The following MBTD1 variants were observed in gnomAD, a reference collection of about 807,000 sequenced individuals.
The protein encoded by MBTD1 is MBT domain-containing protein 1.
In MBTD1, 24 loss-of-function variants were observed where a neutral mutation model predicts 87.8. The observed-to-expected ratio is 0.27, with a 90% CI of 0.20 to 0.38. The LOEUF (loss-of-function observed/expected upper bound fraction) is 0.38, where lower values mean the gene tolerates loss of function less well. Among genes scored for constraint, MBTD1 ranks in the 10% least tolerant of loss-of-function variants. The pLI is 1.00. For missense variants in MBTD1, 436 were observed against 760.2 expected (o/e 0.57, Z 5.02); for synonymous variants, 237 against 248.6 (o/e 0.95, Z 0.44).
At chr17:51,196,439 G>A (rs1011935752) in intron 12 of MBTD1, among the ~76,000 whole-genome samples, 5 of 151,838 alleles carry the variant, frequency 3.3e-5, no homozygotes, top group Non-Finnish European at 7.4e-5. Context: ...GGCCAGGCTG[G>A]TCTCGAACTC....
intron 13 of MBTD1, among the ~76,000 whole-genome samples, chr17:51,194,566 CAA>C (rs71355733): frequency 1.1e-3 from 21 of 19,734 alleles, no homozygotes; most frequent in African/African-American, 4.5e-3. Flanking sequence ...GAGACTGTCT[CAA>C]AAAAAAAAAA....
At chr17:51,245,492 T>C (rs1223989323) in intron 2 of MBTD1, among the ~76,000 whole-genome samples, 2 of 152,118 alleles carry the variant, frequency 1.3e-5, no homozygotes, top group Non-Finnish European at 2.9e-5. Context: ...TATTTTTTCC[T>C]GGTATTTGTA....
chr17:51,204,771 G>C (rs1292724030), intron 7 of MBTD1, among the ~76,000 whole-genome samples: 1 of 152,174 alleles, frequency 6.6e-6, no homozygotes, highest in Non-Finnish European at 1.5e-5. Context: ...AAAGGGCTGG[G>C]ATTACAGGCA....
intron 2 of MBTD1, among the ~76,000 whole-genome samples, chr17:51,257,869 A>G (rs2055181844): frequency 6.6e-6 from 1 of 152,356 alleles, no homozygotes; most frequent in Non-Finnish European, 1.5e-5. Flanking sequence ...GTTAAAAAGC[A>G]TGACGCAACA....
rs538584880 is a variant in MBTD1 at position 51,231,625 on chromosome 17, T to C, written c.-48-6416A>G. ...AAATGTTCTCTGATCTTTTCCATGG[T>C]CCTAGCACACACAGAAAATGATCAT... is the stretch of plus-strand genomic sequence containing the variant. On this transcript the variant is annotated intron_variant, in intron 2 of 16. Coordinates refer to ENST00000586178, the MANE Select transcript of MBTD1 (RefSeq NM_017643.3). 3.3e-5 allele frequency among the ~76,000 whole-genome samples: 5 copies of C among 152,236 alleles called. No individual in the cohort carries two copies. In the East Asian group the frequency reaches 9.7e-4, roughly 29 times the overall value.
chr17:51,203,339 A>G, intron 8 of MBTD1, 111 bp from the exon 9 acceptor site: 3 of 601,826 alleles, frequency 5.0e-6, no homozygotes, highest in Non-Finnish European at 8.4e-6. Flanking sequence ...TAACATTCTG[A>G]AAAGTAACAA....
intron 2 of MBTD1, among the ~76,000 whole-genome samples, chr17:51,236,119 T>C (rs1050741777): frequency 2.0e-5 from 3 of 152,196 alleles, no homozygotes; most frequent in African/African-American, 7.2e-5. Flanking sequence ...CCTATAGATA[T>C]GTCAATATCT....
intron 2 of MBTD1, among the ~76,000 whole-genome samples, chr17:51,238,276 A>G (rs1384223742): frequency 6.6e-6 from 1 of 152,230 alleles, no homozygotes; most frequent in African/African-American, 2.4e-5. Flanking sequence ...CAAATTATCA[A>G]CCAAGTCTAA....
At chr17:51,226,023 C>A (rs776242354) in intron 2 of MBTD1, among the ~76,000 whole-genome samples, 2 of 150,606 alleles carry the variant, frequency 1.3e-5, no homozygotes, top group African/African-American at 4.9e-5. Context: ...AGGTGATCCG[C>A]CCACCTCGGC....
At chr17:51,203,683 G>A (rs1361066791) in intron 8 of MBTD1, 108 bp downstream of exon 8, 14 of 1,193,726 alleles carry the variant, frequency 1.2e-5, no homozygotes, top group South Asian at 4.0e-5. Context: ...AGGTGTGAGC[G>A]GCCATGCCCG....
intron 6 of MBTD1, 75 bp from the exon 7 acceptor site, chr17:51,207,080 A>T: frequency 2.8e-6 from 2 of 712,404 alleles, no homozygotes; most frequent in South Asian, 1.9e-5. Flanking sequence ...ATTAAGCAGT[A>T]CCATCAATAA....
At chr17:51,260,897 G>A, upstream of MBTD1, 1 of 1,595,584 alleles carries the variant, frequency 6.3e-7, no homozygotes, top group Non-Finnish European at 8.5e-7. Flanking sequence ...CGACGAGGAC[G>A]CGTTGCTGCG....
chr17:51,224,343 T>C (rs1479618169), intron 3 of MBTD1, among the ~76,000 whole-genome samples: 1 of 152,204 alleles, frequency 6.6e-6, no homozygotes, highest in African/African-American at 2.4e-5. Flanking sequence ...CGAAGGGTTC[T>C]ATTGTGGAGA....
chr17:51,242,682 A>C (rs993729194), intron 2 of MBTD1, among the ~76,000 whole-genome samples: 1 of 152,152 alleles, frequency 6.6e-6, no homozygotes, highest in African/African-American at 2.4e-5. Flanking sequence ...GGTGTAACTC[A>C]AATGTCATTT....
intron 2 of MBTD1, among the ~76,000 whole-genome samples, chr17:51,248,663 T>A (rs1334534371): frequency 6.6e-6 from 1 of 152,198 alleles, no homozygotes; most frequent in Non-Finnish European, 1.5e-5. Context: ...GTCAGCATAG[T>A]GTTTCTGAGA....
intron 16 of MBTD1, chr17:51,184,890 G>C (rs191343105): frequency 1.2e-4 from 18 of 152,184 alleles, no homozygotes; most frequent in Non-Finnish European, 2.2e-4. Flanking sequence ...TAAAGAGCAG[G>C]TAACACTGGA....
chr17:51,246,722 G>A (rs893832470), intron 2 of MBTD1, among the ~76,000 whole-genome samples: 12 of 152,056 alleles, frequency 7.9e-5, no homozygotes, highest in Non-Finnish European at 2.9e-5. Flanking sequence ...TGCAACCTCC[G>A]CCTCCAGGGT....
At chr17:51,252,636 A>C (rs2054856298) in intron 2 of MBTD1, among the ~76,000 whole-genome samples, 1 of 152,006 alleles carries the variant, frequency 6.6e-6, no homozygotes, top group Admixed American at 6.6e-5. Context: ...AGGGAGGCTG[A>C]GGCAGAAGAA....
chr17:51,234,653 G>A, intron 2 of MBTD1, among the ~76,000 whole-genome samples: 1 of 152,114 alleles, frequency 6.6e-6, no homozygotes, highest in East Asian at 1.9e-4. Context: ...TGGCTTTACT[G>A]GGGAATTCTA....
Sources: allele counts gnomAD v4.1 joint callset (sites outside exome capture counted in the v4.1 genomes callset), GRCh38; gene constraint gnomAD v4.1.1; transcripts MANE v1.5; gene names NCBI Gene and HGNC (gene_info 2026-07-23, HGNC 2026-07-21).